The following LTBP1 variants were observed in gnomAD, a reference collection of about 807,000 sequenced individuals.
LTBP1 encodes the protein latent transforming growth factor beta binding protein 1.
Under a neutral mutation model 207.6 loss-of-function variants are expected in LTBP1, and 129 were observed. That is an observed-to-expected ratio of 0.62 (90% confidence interval 0.54 to 0.72). LTBP1 has a LOEUF of 0.72. Among genes scored for constraint, LTBP1 ranks in the 30% least tolerant of loss-of-function variants. LTBP1 has a pLI of 0.00. For missense variants in LTBP1, 2,281 were observed against 2,217.2 expected (o/e 1.03, Z -0.58); for synonymous variants, 963 against 833.7 (o/e 1.16, Z -2.67).
chr2:33,219,126 T>A (rs915988696), intron 8 of LTBP1, among the ~76,000 whole-genome samples: 6 of 152,206 alleles, frequency 3.9e-5, no homozygotes, highest in African/African-American at 9.6e-5. Context: ...TTTATTTTGT[T>A]GATACTACTC....
intron 9 of LTBP1, among the ~76,000 whole-genome samples, chr2:33,234,854 A>C (rs1049168534): frequency 6.6e-6 from 1 of 152,160 alleles, no homozygotes; most frequent in Non-Finnish European, 1.5e-5. Context: ...TATATGCAGA[A>C]AACAGAAACT....
chr2:33,277,812 T>TCTCTCTTTC (rs1426926473), intron 18 of LTBP1, among the ~76,000 whole-genome samples: 1 of 103,784 alleles, frequency 9.6e-6, no homozygotes, highest in East Asian at 2.0e-4. Context: ...TCTCTTTCTT[T>TCTCTCTTTC]TTTTCTTTCT....
At chr2:33,050,250 C>G (rs1486548352) in intron 3 of LTBP1, among the ~76,000 whole-genome samples, 1 of 149,316 alleles carries the variant, frequency 6.7e-6, no homozygotes, top group East Asian at 2.0e-4. Flanking sequence ...TAAAATCATC[C>G]TGGTTTCTGA....
chr2:33,204,448 TAAAC>T (rs1209386277), intron 7 of LTBP1, among the ~76,000 whole-genome samples: 1 of 152,262 alleles, frequency 6.6e-6, no homozygotes, highest in Non-Finnish European at 1.5e-5. Context: ...CTAAATATTT[TAAAC>T]AAAGAGAGCA....
At chr2:33,201,339 A>C (rs2089236804) in intron 7 of LTBP1, among the ~76,000 whole-genome samples, 1 of 152,168 alleles carries the variant, frequency 6.6e-6, no homozygotes, top group Admixed American at 6.5e-5. Flanking sequence ...GACAGGGATG[A>C]AATTGGAAAT....
chr2:33,071,253 A>C (rs1387072331), intron 3 of LTBP1, among the ~76,000 whole-genome samples: 2 of 152,184 alleles, frequency 1.3e-5, no homozygotes, highest in African/African-American at 4.8e-5. Flanking sequence ...GGCCTCATTC[A>C]TACCTCACTA....
chr2:33,285,541 C>T (rs570105386), intron 19 of LTBP1, among the ~76,000 whole-genome samples: 3 of 150,584 alleles, frequency 2.0e-5, no homozygotes, highest in African/African-American at 7.3e-5. Context: ...CTCCACCTCC[C>T]GGGTTCAAGC....
intron 9 of LTBP1, among the ~76,000 whole-genome samples, chr2:33,231,224 G>A (rs1163159507): frequency 3.9e-5 from 6 of 152,162 alleles, no homozygotes; most frequent in Non-Finnish European, 2.9e-5. Flanking sequence ...AAAGGAAATA[G>A]GAAAGAGCTA....
chr2:33,060,147 A>G (rs2077192738), intron 3 of LTBP1, among the ~76,000 whole-genome samples: 1 of 151,422 alleles, frequency 6.6e-6, no homozygotes, highest in Non-Finnish European at 1.5e-5. Flanking sequence ...TTACCCTTCT[A>G]CTGTTCAAGT....
At chr2:33,062,226 T>TACACAC (rs57376478) in intron 3 of LTBP1, among the ~76,000 whole-genome samples, 1 of 151,008 alleles carries the variant, frequency 6.6e-6, no homozygotes, top group African/African-American at 2.4e-5. Flanking sequence ...CTCTGTCTCA[T>TACACAC]ACACACACAC....
At chr2:32,978,166 G>T (rs1041420918) in intron 2 of LTBP1, among the ~76,000 whole-genome samples, 2 of 152,052 alleles carry the variant, frequency 1.3e-5, no homozygotes, top group African/African-American at 4.8e-5. Context: ...TGCAAACAAG[G>T]ATAATTTGAC....
intron 2 of LTBP1, among the ~76,000 whole-genome samples, chr2:32,973,951 A>T (rs576178450): frequency 6.6e-6 from 1 of 152,328 alleles, no homozygotes; most frequent in East Asian, 1.9e-4. Flanking sequence ...TTATGGCTGA[A>T]TAGTACTCCA....
At chr2:32,974,663 A>T (rs1479573222) in intron 2 of LTBP1, among the ~76,000 whole-genome samples, 1 of 151,998 alleles carries the variant, frequency 6.6e-6, no homozygotes, top group Non-Finnish European at 1.5e-5. Context: ...TTGTTGGTTT[A>T]AAGTCTGTTT....
chr2:33,067,611 A>G (rs914928574), intron 3 of LTBP1, among the ~76,000 whole-genome samples: 2 of 152,228 alleles, frequency 1.3e-5, no homozygotes, highest in Non-Finnish European at 2.9e-5. Context: ...ATTATTCTCT[A>G]AACAATACAG....
In LTBP1 at chr2:33,300,393, C is replaced by T; in HGVS notation, c.3236-58C>T. On this transcript the variant is annotated intron_variant, in intron 20 of 33. Coordinates refer to ENST00000404816, the MANE Select transcript of LTBP1 (RefSeq NM_206943.4). ...TAATCCCAGAATGCATTGCAGGGAG[C>T]ACTGCATTCTCCTGGGTAGTCTCTT... 3.2e-6 allele frequency: 5 copies of T among 1,572,090 alleles called. No homozygotes were observed. In the South Asian group the frequency reaches 5.6e-5, roughly 18 times the overall value.
intron 2 of LTBP1, among the ~76,000 whole-genome samples, chr2:33,004,292 C>T (rs1384657727): frequency 1.3e-5 from 2 of 152,038 alleles, no homozygotes; most frequent in African/African-American, 2.4e-5. Context: ...CCCATCCTGA[C>T]AGTCAGTGAC....
rs368137597 is a variant in LTBP1 at position 33,096,831 on chromosome 2, A to T, written c.864-13751A>T. The stretch of plus-strand genomic sequence containing the variant: ...AAGGCTGAGGCAGGAGGATAACTTG[A>T]GGCCAGGAGTTCAAGGCCAGCCTAG... On this transcript the variant is annotated intron_variant, in intron 3 of 33. Coordinates refer to ENST00000404816, the MANE Select transcript of LTBP1 (RefSeq NM_206943.4). Among the ~76,000 whole-genome samples the T allele has an allele frequency of 7.2e-5, 11 of 152,320 alleles. No homozygotes were observed. The East Asian group carries it at 9.6e-4, about 13-fold the overall frequency.
At chr2:33,035,286 A>T (rs2075868336) in intron 3 of LTBP1, among the ~76,000 whole-genome samples, 1 of 152,234 alleles carries the variant, frequency 6.6e-6, no homozygotes, top group South Asian at 2.1e-4. Flanking sequence ...CTTTTAATTT[A>T]AAAAATTCTA....
At chr2:33,065,427 G>A (rs1185085863) in intron 3 of LTBP1, among the ~76,000 whole-genome samples, 1 of 152,060 alleles carries the variant, frequency 6.6e-6, no homozygotes, top group Non-Finnish European at 1.5e-5. Flanking sequence ...GGTGGTGCAC[G>A]CCTGTAGCCC....
Sources: allele counts gnomAD v4.1 joint callset (sites outside exome capture counted in the v4.1 genomes callset), GRCh38; gene constraint gnomAD v4.1.1; transcripts MANE v1.5; gene names NCBI Gene and HGNC (gene_info 2026-07-23, HGNC 2026-07-21).